EIF4G2: variants seen among roughly 807,000 people sequenced by gnomAD.
The protein encoded by EIF4G2 is DAP-5.
In EIF4G2, 8 loss-of-function variants were observed where a neutral mutation model predicts 117.7. That is an observed-to-expected ratio of 0.07 (90% CI 0.04 to 0.12). EIF4G2 has a LOEUF of 0.12. Among genes scored for constraint, EIF4G2 ranks in the 10% least tolerant of loss-of-function variants. EIF4G2 has a pLI of 1.00. For synonymous variants in EIF4G2, 413 were observed against 367.8 expected, an observed-to-expected ratio of 1.12 and a Z score of -1.41; for missense variants, 812 against 1,086.2, an observed-to-expected ratio of 0.75 and a Z score of 3.55.
intron 1 of EIF4G2, chr11:10,807,596 CAA>C: frequency 8.4e-7 from 1 of 1,188,690 alleles, no homozygotes; most frequent in African/African-American, 1.6e-5. Flanking sequence ...TCGTAGAACA[CAA>C]GAGCATTTTA....
chr11:10,801,563 G>A (rs747452814), intron 14 of EIF4G2, 98 bp downstream of exon 14: 3 of 1,066,894 alleles, frequency 2.8e-6, no homozygotes, highest in Non-Finnish European at 4.4e-6. Flanking sequence ...AAGAACTCCA[G>A]CATAAAGTCC....
rs1283343520 is a variant in EIF4G2 at position 10,800,576 on chromosome 11, C to T, written c.1716G>A (p.Arg572=). 1 of 1,613,970 alleles carries T rather than the reference C, an allele frequency of 6.2e-7. No homozygotes were observed. Among genetic ancestry groups the T allele is most frequent in the African/African-American group, 1.3e-5 (1 of 74,904 alleles). Reference sequence around the variant, plus strand: ...TCTCAGGAAGAAAGTGTTTAGGAGCCCTCATTTCTCTTACACCATTGACAG... The same window carrying T: ...TCTCAGGAAGAAAGTGTTTAGGAGCTCTCATTTCTCTTACACCATTGACAG... The change falls in exon 17 of 22, where the codon AGG becomes AGA. Residue 572 remains arginine (R), a synonymous_variant. Coordinates refer to ENST00000339995, the MANE Select transcript of EIF4G2 (RefSeq NM_001418.4).
intron 1 of EIF4G2, chr11:10,807,928 C>A (rs534395415): frequency 6.4e-5 from 65 of 1,013,798 alleles, no homozygotes; most frequent in Non-Finnish European, 7.3e-5. Flanking sequence ...GGAACCTCCG[C>A]CCCGTTTTTC....
chr11:10,799,439 G>A lies in EIF4G2; in HGVS notation c.2325-15C>T. The A allele has an allele frequency of 6.2e-7, 1 of 1,611,670 alleles. No individual in the cohort carries two copies. The stretch of plus-strand genomic sequence containing the variant: ...ACTGTAAGAAGCTGGACAGAAAGAG[G>A]TCTTGTTAGAACCCAACAGTGAGTT... On this transcript the variant is annotated splice_polypyrimidine_tract_variant and intron_variant, in intron 19 of 21. Transcript: ENST00000339995.
chr11:10,806,763 GGAAA>G lies in EIF4G2; in HGVS notation c.107+53_107+56del, dbSNP rs1449498306. The G allele has an allele frequency of 3.8e-6, 6 of 1,585,984 alleles. No homozygotes were observed. In the Admixed American group the frequency reaches 8.4e-5, roughly 22 times the overall value. Reference sequence around the variant, plus strand: ...ATTGCCTTAATTATACCGTCACATGGGAAAGACTTTTAATCTGTTAAATAAAGCT... The same window carrying G: ...ATTGCCTTAATTATACCGTCACATGGGACTTTTAATCTGTTAAATAAAGCT... On this transcript the variant is annotated intron_variant, in intron 3 of 21. Transcript: ENST00000339995.
In EIF4G2 at chr11:10,803,824, C is replaced by T; in HGVS notation, c.702+75G>A. 1.3e-6 allele frequency: 2 copies of T among 1,516,476 alleles called. No homozygotes were observed. Among genetic ancestry groups the T allele is most frequent in the South Asian group, 2.5e-5 (2 of 80,736 alleles). The allele number at this position is 1,516,476 out of a possible 1,614,324, so 93.9% of individuals were successfully genotyped here. A position where few individuals can be genotyped will look rare whatever the true frequency, so the allele number is the denominator to read the frequency against. On this transcript the variant is annotated intron_variant, in intron 8 of 21. Coordinates refer to ENST00000339995, the MANE Select transcript of EIF4G2 (RefSeq NM_001418.4). The surrounding 1 kb of genome is among the most constrained non-coding windows in gnomAD (Gnocchi z 4.0). ...ACATCTGTATTTAACTAGTCAACCTCCCTCTTAGATGAATAATTGACTCAT... is the reference window on the plus strand; with the variant it reads ...ACATCTGTATTTAACTAGTCAACCTTCCTCTTAGATGAATAATTGACTCAT...
Position 10,797,784 on chromosome 11 carries a change from G to A in EIF4G2, c.*32C>T. On this transcript the variant is annotated 3_prime_UTR_variant, in exon 22 of 22. Coordinates refer to ENST00000339995, the MANE Select transcript of EIF4G2 (RefSeq NM_001418.4). The surrounding 1 kb of genome is among the most constrained non-coding windows in gnomAD (Gnocchi z 4.5). The stretch of plus-strand genomic sequence containing the variant: ...TGCAGTTACATCATAGCAACAGTAT[G>A]TTTTGCACAATTTAAGGCTTTGGCT... The A allele has an allele frequency of 1.2e-6, 2 of 1,609,864 alleles. No individual in the cohort carries two copies. The highest frequency in any genetic ancestry group is 1.1e-5 in the South Asian group (1 of 90,834).
Position 10,803,551 on chromosome 11 carries a change from C to T in EIF4G2, c.742G>A (p.Gly248Arg). ...TGACAGAGGCACTCCAAATCCTCTCCCATATCTTTGAGTTGGACTCTCTTC... is the reference window on the plus strand; with the variant it reads ...TGACAGAGGCACTCCAAATCCTCTCTCATATCTTTGAGTTGGACTCTCTTC... Residue 248 changes from glycine (G) to arginine (R), a missense_variant, in exon 9 of 22, where the codon GGA (glycine) becomes AGA (arginine). Gly to Arg is a moderately radical substitution (Grantham distance 125). This residue lies in a region of EIF4G2 where 154 missense variants were observed against 322.1 expected (regional missense o/e 0.48). Coordinates refer to ENST00000339995, the MANE Select transcript of EIF4G2 (RefSeq NM_001418.4). The surrounding 1 kb of genome is among the most constrained non-coding windows in gnomAD (Gnocchi z 4.0). 2 of 1,614,052 alleles carry T rather than the reference C, an allele frequency of 1.2e-6. No individual in the cohort carries two copies. Among genetic ancestry groups the T allele is most frequent in the Non-Finnish European group, 1.7e-6 (2 of 1,180,014 alleles).
rs1176599861 is a variant in EIF4G2 at position 10,801,760 on chromosome 11, G to A, written c.1314C>T (p.Leu438=). Residue 438 remains leucine (L), a synonymous_variant, in exon 14 of 22, where the codon CTC becomes CTT. Transcript: ENST00000339995. Reference sequence around the variant, plus strand: ...AGAGTCCCTGACTCTGGTTATGGTAGAGCTGGCTTAGCCCCTATTTCAGAA... The same window carrying A: ...AGAGTCCCTGACTCTGGTTATGGTAAAGCTGGCTTAGCCCCTATTTCAGAA... The A allele has an allele frequency of 4.3e-6, 7 of 1,614,020 alleles. No individual in the cohort carries two copies. Among genetic ancestry groups the A allele is most frequent in the Non-Finnish European group, 5.9e-6 (7 of 1,179,986 alleles).
rs1349948633 is a variant in EIF4G2, at chr11:10,804,311, A to ATGG, written c.458_459insCCA (p.Gly153_Gln154insHis). ...CGGTGCTTTGCTTCTGTCCTGGTTG[A>ATGG]CCCTCTGCTGCTGGGCCATCAAAGT... On this transcript the variant is annotated inframe_insertion, in exon 6 of 22. Transcript: ENST00000339995. 4 of 1,613,808 alleles carry ATGG rather than the reference A, an allele frequency of 2.5e-6. No homozygotes were observed. The South Asian group carries it at 4.4e-5, about 18-fold the overall frequency.
chr11:10,801,286 A>G (rs1419973172), intron 14 of EIF4G2, 199 bp from the exon 15 acceptor site: 1 of 655,462 alleles, frequency 1.5e-6, no homozygotes, highest in Non-Finnish European at 2.5e-6. Flanking sequence ...GTAGTAAGAT[A>G]CTATTATAAA....
At chr11:10,805,809 C>T (rs1847550655) in intron 4 of EIF4G2, 98 bp downstream of exon 4, 2 of 1,541,746 alleles carry the variant, frequency 1.3e-6, no homozygotes, top group African/African-American at 1.4e-5. Flanking sequence ...CATACATACT[C>T]TGGGCATGAA....
chr11:10,808,463 C>G (rs975684727), intron 1 of EIF4G2: 3 of 1,257,988 alleles, frequency 2.4e-6, no homozygotes, highest in Non-Finnish European at 3.1e-6. Context: ...CGTCGGCCAT[C>G]CGGCCATGAC....
chr11:10,799,959 T>G, intron 18 of EIF4G2, 131 bp downstream of exon 18: 3 of 1,167,508 alleles, frequency 2.6e-6, no homozygotes, highest in Non-Finnish European at 3.6e-6. Context: ...ATAGGTGAGA[T>G]CTGTGGTAAT....
Position 10,800,128 on chromosome 11 carries a change from A to G in EIF4G2, c.2081T>C (p.Phe694Ser). 2 of 1,614,074 alleles carry G rather than the reference A, an allele frequency of 1.2e-6. No homozygotes were observed. Among genetic ancestry groups the G allele is most frequent in the Non-Finnish European group, 8.5e-7 (1 of 1,180,012 alleles). Reference sequence around the variant, plus strand: ...CTGCATATTGACCTTGCTTTGTTGAAAAAGTTCTGTTAACCATTCTCGATC... The same window carrying G: ...CTGCATATTGACCTTGCTTTGTTGAGAAAGTTCTGTTAACCATTCTCGATC... Residue 694 changes from phenylalanine to serine, a missense_variant, in exon 18 of 22, where the codon TTT becomes TCT. Phe to Ser is a radical substitution (Grantham distance 155). This residue lies in a region of EIF4G2 where 571 missense variants were observed against 642.3 expected (regional missense o/e 0.89). Transcript: ENST00000339995.
In EIF4G2 at chr11:10,806,993, A is replaced by G. The variant is rs1279773827; in HGVS notation, c.42-108T>C. On this transcript the variant is annotated intron_variant, in intron 2 of 21. Transcript: ENST00000339995. ...TGCTTGTAGAGATGGGGGTCTCGCT[A>G]TTTTGCCCAGACTGGAGCCAGGCCT... is the stretch of plus-strand genomic sequence containing the variant. 4 of 1,362,420 alleles carry G rather than the reference A, an allele frequency of 2.9e-6. No homozygotes were observed. In the South Asian group the frequency reaches 3.6e-5, roughly 12 times the overall value. The allele number at this position is 1,362,420 out of a possible 1,614,324, so 84.4% of individuals were successfully genotyped here.
At chr11:10,799,167 G>GTT in intron 20 of EIF4G2, 46 bp downstream of exon 20, 1 of 1,607,544 alleles carries the variant, frequency 6.2e-7, no homozygotes, top group Non-Finnish European at 8.5e-7. Context: ...TTAGTGTTCT[G>GTT]TTTAAGAACT....
At position 10,800,553 on chromosome 11, in the gene EIF4G2, T is replaced by A. The variant is rs1313128834; in HGVS notation, c.1739A>T (p.Glu580Val). The A allele has an allele frequency of 1.2e-6, 2 of 1,614,186 alleles. No individual in the cohort carries two copies. The highest frequency in any genetic ancestry group is 2.7e-5 in the African/African-American group (2 of 75,054). The change falls in exon 17 of 22, where the codon GAG becomes GTG. Residue 580 changes from glutamate (E) to valine (V), a missense_variant. By Grantham distance (121) the Glu-to-Val change is moderately radical. This residue lies in a region of EIF4G2 where 571 missense variants were observed against 642.3 expected (regional missense o/e 0.89). Coordinates refer to ENST00000339995, the MANE Select transcript of EIF4G2 (RefSeq NM_001418.4). ...CAGGATGATTACTTTGCTTAACATC[T>A]CAGGAAGAAAGTGTTTAGGAGCCCT...
chr11:10,800,983 A>G lies in EIF4G2; in HGVS notation c.1518T>C (p.Thr506=), dbSNP rs1000521772. The G allele has an allele frequency of 6.2e-7, 1 of 1,614,172 alleles. No homozygotes were observed. The highest frequency in any genetic ancestry group is 1.6e-4 in the Middle Eastern group (1 of 6,062). Residue 506 remains threonine, a synonymous_variant, in exon 15 of 22, where the codon ACT becomes ACC. Transcript: ENST00000339995. ...GTACCTGTCCCAGAGGTGGTGTTTG[A>G]GTGCGTGGTGGTTGTGCACTAGGAG...
Sources: allele counts gnomAD v4.1 joint callset, GRCh38; gene constraint gnomAD v4.1.1; regional missense constraint gnomAD v4.1.1; non-coding constraint Gnocchi (gnomAD v3.1); transcripts MANE v1.5; gene names NCBI Gene and HGNC (gene_info 2026-07-23, HGNC 2026-07-21).